GALNTL6: variants seen among roughly 807,000 people sequenced by gnomAD.
GALNTL6 encodes polypeptide N-acetylgalactosaminyltransferase like 6, also known as polypeptide N-acetylgalactosaminyltransferase-like 6.
In GALNTL6, 46 loss-of-function variants were observed where a neutral mutation model predicts 73.7. That is an observed-to-expected ratio of 0.62 (90% CI 0.49 to 0.80). The LOEUF is 0.80. GALNTL6 is among the 30% of genes least tolerant of loss of function. The probability of loss-of-function intolerance (pLI) is 0.00; values close to 1 mark genes in which losing one functional copy is unlikely to be tolerated. For missense variants in GALNTL6, 604 were observed against 755.0 expected (o/e 0.80, Z 2.34); for synonymous variants, 259 against 263.7 (o/e 0.98, Z 0.17).
chr4:172,847,717 AAAG>A (rs1743589195), intron 7 of GALNTL6, among the ~76,000 whole-genome samples: 1 of 152,238 alleles, frequency 6.6e-6, no homozygotes, highest in African/African-American at 2.4e-5. Context: ...TCAGTCTAAC[AAAG>A]AAGATGAACA....
At chr4:172,344,161 A>T (rs1741662185) in intron 4 of GALNTL6, among the ~76,000 whole-genome samples, 1 of 152,196 alleles carries the variant, frequency 6.6e-6, no homozygotes, top group African/African-American at 2.4e-5. Context: ...TATTTTACTT[A>T]TTAAAGTCAG....
chr4:172,860,429 A>C (rs1744336901), intron 7 of GALNTL6, among the ~76,000 whole-genome samples: 2 of 152,198 alleles, frequency 1.3e-5, no homozygotes, highest in African/African-American at 4.8e-5. Flanking sequence ...CAAGTTTAAG[A>C]CAGACTAAAA....
intron 5 of GALNTL6, among the ~76,000 whole-genome samples, chr4:172,682,371 A>G (rs1224944014): frequency 2.0e-5 from 3 of 152,178 alleles, no homozygotes; most frequent in Non-Finnish European, 1.5e-5. Context: ...AGAAAGTAGT[A>G]TCATGTACAA....
At chr4:172,193,229 A>T (rs1381702761) in intron 2 of GALNTL6, among the ~76,000 whole-genome samples, 1 of 152,120 alleles carries the variant, frequency 6.6e-6, no homozygotes, top group Non-Finnish European at 1.5e-5. Flanking sequence ...GAGACCCCCC[A>T]CCGACAGGGG....
chr4:172,554,861 C>T (rs1230880692), intron 5 of GALNTL6, among the ~76,000 whole-genome samples: 3 of 152,028 alleles, frequency 2.0e-5, no homozygotes, highest in African/African-American at 4.8e-5. Context: ...ATAAATAATG[C>T]CACTATGATC....
intron 11 of GALNTL6, among the ~76,000 whole-genome samples, chr4:173,013,971 A>G (rs1369489826): frequency 6.6e-6 from 1 of 152,072 alleles, no homozygotes; most frequent in Non-Finnish European, 1.5e-5. Context: ...ACAATTATGG[A>G]TTTTCTTTTT....
intron 5 of GALNTL6, among the ~76,000 whole-genome samples, chr4:172,554,184 C>A (rs991917477): frequency 6.6e-6 from 1 of 152,172 alleles, no homozygotes. Flanking sequence ...CCCATGGATT[C>A]TTTCAATATT....
In GALNTL6 at chr4:172,809,693, A is replaced by G; in HGVS notation, c.739+147A>G. On this transcript the variant is annotated intron_variant, in intron 6 of 12. Coordinates refer to ENST00000506823, the MANE Select transcript of GALNTL6 (RefSeq NM_001034845.3). The surrounding 1 kb of genome is among the most constrained non-coding windows in gnomAD (Gnocchi z 4.4). ...TTGAATTTTATATTTACCACTGCTG[A>G]AAACAGTTTACTAGGTAACTGTTTT... 3.4e-6 allele frequency: 2 copies of G among 587,630 alleles called. No homozygotes were observed. The highest frequency in any genetic ancestry group is 5.8e-6 in the Non-Finnish European group (2 of 343,730). 36.4% of individuals were successfully genotyped at this position (587,630 alleles called of 1,614,324 possible).
intron 2 of GALNTL6, among the ~76,000 whole-genome samples, chr4:171,915,497 T>C (rs1737591521): frequency 6.6e-6 from 1 of 152,196 alleles, no homozygotes; most frequent in Non-Finnish European, 1.5e-5. Context: ...TTTTTTATCT[T>C]TTAGTTTTGA....
chr4:172,909,752 T>C (rs1411533604), intron 8 of GALNTL6, among the ~76,000 whole-genome samples: 3 of 152,106 alleles, frequency 2.0e-5, no homozygotes, highest in African/African-American at 7.2e-5. Flanking sequence ...TGTGTATATG[T>C]GTTGGCTCAA....
At chr4:172,692,036 T>G (rs952990062) in intron 5 of GALNTL6, among the ~76,000 whole-genome samples, 7 of 151,828 alleles carry the variant, frequency 4.6e-5, no homozygotes, top group Admixed American at 2.0e-4. Flanking sequence ...AAAGCGGGAT[T>G]TTTTTTAGAA....
chr4:172,395,228 A>G (rs1743806008), intron 5 of GALNTL6, among the ~76,000 whole-genome samples: 1 of 152,198 alleles, frequency 6.6e-6, no homozygotes, highest in Non-Finnish European at 1.5e-5. Context: ...CTGTAATGTA[A>G]AGTTTCATAC....
intron 2 of GALNTL6, among the ~76,000 whole-genome samples, chr4:171,870,199 T>C (rs1456261889): frequency 1.3e-5 from 2 of 152,206 alleles, no homozygotes; most frequent in Non-Finnish European, 2.9e-5. Context: ...GCAGTTCCCT[T>C]TACAATGAGT....
At chr4:172,782,953 T>A (rs1032833267) in intron 5 of GALNTL6, among the ~76,000 whole-genome samples, 5 of 152,054 alleles carry the variant, frequency 3.3e-5, no homozygotes, top group Admixed American at 6.5e-5. Context: ...GTCACATGTA[T>A]TTCCCAGGAC....
chr4:172,293,662 A>G (rs902731090), intron 3 of GALNTL6, among the ~76,000 whole-genome samples: 1 of 151,888 alleles, frequency 6.6e-6, no homozygotes, highest in African/African-American at 2.4e-5. Flanking sequence ...CCAGATGGCT[A>G]CTTATTCTCA....
At chr4:172,431,513 G>C (rs335973) in intron 5 of GALNTL6, among the ~76,000 whole-genome samples, 128,866 of 152,104 alleles carry the variant, frequency 0.85, 54,749 homozygotes, top group Non-Finnish European at 0.88. Context: ...TGTATATTGT[G>C]TGTAATGTAT....
In GALNTL6 at chr4:171,958,073, A is replaced by C. The variant is rs191115026; in HGVS notation, c.138+143355A>C. ...GTTAATCTAGAGCACATTCTAATGCAGTAAGAATGAAAATGTACATATACG... is the reference window on the plus strand; with the variant it reads ...GTTAATCTAGAGCACATTCTAATGCCGTAAGAATGAAAATGTACATATACG... On this transcript the variant is annotated intron_variant, in intron 2 of 12. Transcript: ENST00000506823. Among the ~76,000 whole-genome samples, 7 of 152,334 alleles carry C rather than the reference A, an allele frequency of 4.6e-5. No homozygotes were observed. The East Asian group carries it at 1.3e-3, about 29-fold the overall frequency.
intron 5 of GALNTL6, among the ~76,000 whole-genome samples, chr4:172,755,915 A>G (rs1271538694): frequency 6.6e-6 from 1 of 152,216 alleles, no homozygotes; most frequent in African/African-American, 2.4e-5. Flanking sequence ...TAGGGATATT[A>G]CTTCAAAGTA....
intron 5 of GALNTL6, among the ~76,000 whole-genome samples, chr4:172,449,274 G>A (rs1310359388): frequency 1.3e-5 from 2 of 152,064 alleles, no homozygotes; most frequent in Non-Finnish European, 2.9e-5. Context: ...TACTAAACAT[G>A]TCTTAGACCA....
Sources: allele counts gnomAD v4.1 joint callset (sites outside exome capture counted in the v4.1 genomes callset), GRCh38; gene constraint gnomAD v4.1.1; non-coding constraint Gnocchi (gnomAD v3.1); transcripts MANE v1.5; gene names NCBI Gene and HGNC (gene_info 2026-07-23, HGNC 2026-07-21).